Variants in PCDH7 observed in about 807,000 individuals in gnomAD.
PCDH7 encodes protocadherin-7.
Under a neutral mutation model 58.9 loss-of-function variants are expected in PCDH7, and 17 were observed. The observed-to-expected ratio is 0.29, with a 90% CI of 0.20 to 0.43. The LOEUF (loss-of-function observed/expected upper bound fraction) is 0.43, where lower values mean the gene tolerates loss of function less well. Among genes scored for constraint, PCDH7 ranks in the 20% least tolerant of loss-of-function variants. The probability of loss-of-function intolerance (pLI) is 1.00; values close to 1 mark genes in which losing one functional copy is unlikely to be tolerated. For missense variants in PCDH7, 1,274 were observed against 1,441.0 expected (o/e 0.88, Z 1.88); for synonymous variants, 664 against 616.4 (o/e 1.08, Z -1.14).
At chr4:30,921,821 T>G (rs1252304129) in intron 2 of PCDH7, among the ~76,000 whole-genome samples, 1 of 149,080 alleles carries the variant, frequency 6.7e-6, no homozygotes, top group Non-Finnish European at 1.5e-5. Context: ...ATGTTTAAAA[T>G]TATTTGGAAA....
rs548788736 is a variant in PCDH7 at position 31,013,477 on chromosome 4, A to G, written c.*7+63262A>G. Among the ~76,000 whole-genome samples, 59 of 150,332 alleles carry G rather than the reference A, an allele frequency of 3.9e-4. 1 individual carries two copies. Among genetic ancestry groups the G allele is most frequent in the Middle Eastern group, 3.6e-3 (1 of 280 alleles). On this transcript the variant is annotated intron_variant, in intron 3 of 3. Coordinates refer to the PCDH7 transcript ENST00000509759. ...TATTATATATAATATGTGCATATAT[A>G]ATATATAATATGTGTGTGTATGCTT... is the stretch of plus-strand genomic sequence containing the variant.
At chr4:30,816,438 C>G (rs1360580349) in intron 1 of PCDH7, among the ~76,000 whole-genome samples, 1 of 152,158 alleles carries the variant, frequency 6.6e-6, no homozygotes, top group East Asian at 1.9e-4. Flanking sequence ...ACTTTTGACA[C>G]TGACCTTTTA....
intron 1 of PCDH7, among the ~76,000 whole-genome samples, chr4:30,864,854 A>G (rs1434408415): frequency 6.6e-6 from 1 of 152,098 alleles, no homozygotes. Context: ...ATAGGAAAAA[A>G]AATTTAAGGC....
chr4:31,142,378 G>C, intron 3 of PCDH7, 95 bp from the exon 3 acceptor site: 1 of 1,097,350 alleles, frequency 9.1e-7, no homozygotes, highest in Non-Finnish European at 1.2e-6. Context: ...AAGATGGTAA[G>C]GAATATATTT....
At chr4:30,959,004 A>G (rs562055911) in intron 3 of PCDH7, among the ~76,000 whole-genome samples, 59 of 152,120 alleles carry the variant, frequency 3.9e-4, no homozygotes, top group Non-Finnish European at 6.9e-4. Context: ...GGCTCAAAGC[A>G]CCAGATTAGC....
At chr4:30,900,602 A>C (rs1267075871) in intron 1 of PCDH7, among the ~76,000 whole-genome samples, 1 of 152,236 alleles carries the variant, frequency 6.6e-6, no homozygotes. Context: ...AAATCAGTGC[A>C]TGGAAGTCCC....
At chr4:30,989,282 T>G (rs948010311) in intron 3 of PCDH7, among the ~76,000 whole-genome samples, 1 of 148,508 alleles carries the variant, frequency 6.7e-6, no homozygotes, top group African/African-American at 2.6e-5. Context: ...TCCTAAAACC[T>G]GTTGAAAAAC....
chr4:30,984,028 A>G (rs2109113922), intron 3 of PCDH7, among the ~76,000 whole-genome samples: 1 of 152,288 alleles, frequency 6.6e-6, no homozygotes, highest in East Asian at 1.9e-4. Flanking sequence ...TAGTACTAAG[A>G]TTGATTGATT....
chr4:31,051,892 A>G (rs1756772980), intron 3 of PCDH7, among the ~76,000 whole-genome samples: 1 of 152,090 alleles, frequency 6.6e-6, no homozygotes, highest in Non-Finnish European at 1.5e-5. Context: ...GCTTCAGCAA[A>G]TAATAGATGT....
intron 3 of PCDH7, among the ~76,000 whole-genome samples, chr4:31,010,131 G>A (rs1753062780): frequency 6.6e-6 from 1 of 151,860 alleles, no homozygotes; most frequent in African/African-American, 2.4e-5. Context: ...AATGTATTGA[G>A]AGCAAAAGCA....
intron 1 of PCDH7, among the ~76,000 whole-genome samples, chr4:30,820,724 G>C (rs532829005): frequency 6.6e-6 from 1 of 151,828 alleles, no homozygotes; most frequent in South Asian, 2.1e-4. Context: ...AAATGGGGAG[G>C]GGGACATGTT....
chr4:31,035,247 CTTTTTTTTTTTTTT>C (rs35099580), intron 3 of PCDH7, among the ~76,000 whole-genome samples: 26 of 99,406 alleles, frequency 2.6e-4, no homozygotes, highest in Middle Eastern at 9.3e-3. Context: ...CCTTTTTTCC[CTTTTTTTTTTTTTT>C]TTTTTTTTTT....
chr4:31,103,069 G>T (rs78247241), intron 3 of PCDH7, among the ~76,000 whole-genome samples: 23,138 of 152,026 alleles, frequency 0.15, 2,000 homozygotes, highest in South Asian at 0.21. Flanking sequence ...TATAATATTT[G>T]TTATAACCAT....
intron 1 of PCDH7, among the ~76,000 whole-genome samples, chr4:30,894,861 TA>T (rs893065280): frequency 6.6e-6 from 1 of 151,222 alleles, no homozygotes; most frequent in Non-Finnish European, 1.5e-5. Context: ...TCATTCTCTA[TA>T]AAACTGAAAT....
intron 1 of PCDH7, among the ~76,000 whole-genome samples, chr4:30,900,510 A>T (rs1164450564): frequency 6.6e-6 from 1 of 152,196 alleles, no homozygotes; most frequent in Non-Finnish European, 1.5e-5. Context: ...CAGGGATTTT[A>T]ATTGGGCTAA....
chr4:30,994,780 T>C (rs1436659086), intron 3 of PCDH7, among the ~76,000 whole-genome samples: 4 of 152,152 alleles, frequency 2.6e-5, no homozygotes, highest in Non-Finnish European at 5.9e-5. Context: ...AAACTTATAG[T>C]TTTCTAATAT....
intron 3 of PCDH7, among the ~76,000 whole-genome samples, chr4:30,968,092 C>G (rs1455690553): frequency 6.6e-6 from 1 of 151,602 alleles, no homozygotes; most frequent in Non-Finnish European, 1.5e-5. Context: ...AAAACTAGGT[C>G]ATAAACACAA....
chr4:30,774,766 G>C (rs1416234436), intron 1 of PCDH7, among the ~76,000 whole-genome samples: 2 of 152,152 alleles, frequency 1.3e-5, no homozygotes, highest in African/African-American at 4.8e-5. Flanking sequence ...ATATAGTATA[G>C]AACTCAGAGG....
intron 3 of PCDH7, among the ~76,000 whole-genome samples, chr4:31,132,731 A>G (rs1719139365): frequency 6.6e-6 from 1 of 152,164 alleles, no homozygotes; most frequent in African/African-American, 2.4e-5. Flanking sequence ...TTGCATCATT[A>G]TTGTTCTTAT....
Sources: gnomAD v4.1 joint callset for allele counts (sites outside exome capture counted in the v4.1 genomes callset) on GRCh38, gnomAD v4.1.1 for gene constraint, MANE v1.5 for transcripts, NCBI Gene and HGNC (gene_info 2026-07-23, HGNC 2026-07-21) for gene names.